The following ITPR2 variants were observed in gnomAD, a reference collection of about 807,000 sequenced individuals.
ITPR2 encodes the protein inositol 1,4,5-trisphosphate receptor type 2, also known as inositol 1,4,5-trisphosphate-gated calcium channel ITPR2.
In ITPR2, 207 loss-of-function variants were observed where a neutral mutation model predicts 317.1. The ratio of observed to expected loss-of-function variants is 0.65; its 90% CI spans 0.58 to 0.73. The LOEUF (loss-of-function observed/expected upper bound fraction) is 0.73, where lower values mean the gene tolerates loss of function less well. Ranked by LOEUF, ITPR2 falls within the 30% of genes least tolerant of loss-of-function variation. The pLI is 0.00. For missense variants in ITPR2, 2,613 were observed against 3,284.0 expected, an observed-to-expected ratio of 0.80 and a Z score of 4.99; for synonymous variants, 1,156 against 1,149.1, an observed-to-expected ratio of 1.01 and a Z score of -0.12.
chr12:26,443,354 C>A (rs1438592716), intron 46 of ITPR2, among the ~76,000 whole-genome samples, 189 bp downstream of exon 46: 1 of 152,010 alleles, frequency 6.6e-6, no homozygotes, highest in Non-Finnish European at 1.5e-5. Context: ...TAAAAAAAGA[C>A]AACTTTGAAA....
At chr12:26,556,566 TTGTG>T (rs1555155168) in intron 35 of ITPR2, among the ~76,000 whole-genome samples, 191 bp from the exon 36 acceptor site, 2 of 136,272 alleles carry the variant, frequency 1.5e-5, no homozygotes, top group African/African-American at 5.7e-5. Context: ...ATTTTTTTTT[TTGTG>T]TGTGTGTGTG....
rs1186448133 is a variant in ITPR2, at chr12:26,339,411, T to A, written c.8092A>T (p.Met2698Leu). ...GSNTPHVNHH[M>L]PPH Reference sequence around the variant, plus strand: ...CCCCCATGGTATCAGTGTGGTGGCATGTGATGATTCACATGGGGTGTGTTT... The same window carrying A: ...CCCCCATGGTATCAGTGTGGTGGCAAGTGATGATTCACATGGGGTGTGTTT... The change falls in exon 57 of 57, where the codon ATG (methionine) becomes TTG (leucine). Residue 2698 changes from methionine to leucine, a missense_variant. Met to Leu is a conservative substitution (Grantham distance 15). This residue lies in a region of ITPR2 where 119 missense variants were observed against 144.3 expected (regional missense o/e 0.82). Coordinates refer to ENST00000381340, the MANE Select transcript of ITPR2 (RefSeq NM_002223.4). 2.4e-5 allele frequency: 39 copies of A among 1,613,608 alleles called. No individual in the cohort carries two copies. The highest frequency in any genetic ancestry group is 3.2e-5 in the Non-Finnish European group (38 of 1,179,624).
At position 26,656,608 on chromosome 12, in the gene ITPR2, TA is replaced by T; in HGVS notation, c.2193-61del. The T allele has an allele frequency of 2.6e-6, 4 of 1,554,320 alleles. No individual in the cohort carries two copies. The South Asian group carries it at 4.6e-5, about 18-fold the overall frequency. ...ATCTCAAGGAAATCTTTAAACGTCA[TA>T]GTACCAATCAGTATCTATGTTTAAG... On this transcript the variant is annotated intron_variant, in intron 18 of 56. Coordinates refer to ENST00000381340, the MANE Select transcript of ITPR2 (RefSeq NM_002223.4).
At chr12:26,430,364 A>T (rs1039763905) in intron 48 of ITPR2, among the ~76,000 whole-genome samples, 31 of 152,142 alleles carry the variant, frequency 2.0e-4, no homozygotes, top group African/African-American at 7.2e-4. Context: ...CCCAGGTTCA[A>T]GTGATTCTCC....
intron 2 of ITPR2, among the ~76,000 whole-genome samples, chr12:26,753,292 G>C (rs929242605): frequency 1.3e-5 from 2 of 152,154 alleles, no homozygotes; most frequent in Admixed American, 1.3e-4. Flanking sequence ...CCTAAGAACG[G>C]ATTTGACACT....
At chr12:26,412,136 T>C (rs557034398) in intron 51 of ITPR2, among the ~76,000 whole-genome samples, 2 of 152,328 alleles carry the variant, frequency 1.3e-5, no homozygotes, top group East Asian at 3.9e-4. Flanking sequence ...GAAGTCTTCA[T>C]GATGGAGAGA....
intron 7 of ITPR2, 72 bp downstream of exon 7, chr12:26,715,680 G>C: frequency 2.0e-6 from 2 of 1,010,044 alleles, no homozygotes; most frequent in Non-Finnish European, 3.0e-6. Context: ...GAATACATAG[G>C]TTTTGCATCT....
chr12:26,753,953 G>A (rs1319945090), intron 2 of ITPR2, among the ~76,000 whole-genome samples: 2 of 152,194 alleles, frequency 1.3e-5, no homozygotes, highest in Non-Finnish European at 2.9e-5. Context: ...TAGGTTCAGG[G>A]TTTGATTCCA....
intron 35 of ITPR2, 44 bp downstream of exon 35, chr12:26,561,718 A>G (rs762561942): frequency 2.2e-6 from 3 of 1,391,082 alleles, no homozygotes; most frequent in Non-Finnish European, 2.8e-6. Context: ...TTTTTAAAAA[A>G]TATAATTTAG....
In ITPR2 at chr12:26,624,354, T is replaced by C. The variant is rs572188130; in HGVS notation, c.3067A>G (p.Ile1023Val). The C allele has an allele frequency of 2.7e-4, 434 of 1,606,468 alleles. 4 individuals carry two copies. The South Asian group carries it at 4.5e-3, about 17-fold the overall frequency. ...GSPDTLLPSA[I>V]VPDIDEIAAQ... ...GCAATTTCATCTATATCAGGAACAA[T>C]AGCTGCAAAGATAAATGGTAAAATC... The change falls in exon 24 of 57, where the codon ATT becomes GTT. Residue 1023 changes from isoleucine (I) to valine (V), a missense_variant and splice_region_variant. This residue lies in a region of ITPR2 where 817 missense variants were observed against 897.6 expected (regional missense o/e 0.91). Transcript: ENST00000381340.
intron 2 of ITPR2, among the ~76,000 whole-genome samples, chr12:26,789,851 T>C (rs1163725139): frequency 2.6e-5 from 4 of 152,346 alleles, no homozygotes; most frequent in Admixed American, 2.6e-4. Flanking sequence ...CAGAGAAGTA[T>C]ATAAATAAAT....
At chr12:26,774,649 A>C (rs777429869) in intron 2 of ITPR2, among the ~76,000 whole-genome samples, 1 of 152,206 alleles carries the variant, frequency 6.6e-6, no homozygotes, top group African/African-American at 2.4e-5. Context: ...AGGTCTTTCA[A>C]TTAAAGAAAC....
intron 13 of ITPR2, among the ~76,000 whole-genome samples, chr12:26,679,181 T>C (rs1947977347): frequency 1.3e-5 from 2 of 152,206 alleles, no homozygotes; most frequent in Admixed American, 1.3e-4. Context: ...TCATTTCCCC[T>C]AACAGGGTTG....
At chr12:26,529,714 C>T (rs989869529) in intron 37 of ITPR2, among the ~76,000 whole-genome samples, 1 of 152,182 alleles carries the variant, frequency 6.6e-6, no homozygotes, top group African/African-American at 2.4e-5. Context: ...GTAAAATGGA[C>T]ACTGGAATGT....
intron 32 of ITPR2, among the ~76,000 whole-genome samples, chr12:26,580,797 C>T (rs73290042): frequency 6.1e-4 from 93 of 152,240 alleles, no homozygotes; most frequent in African/African-American, 2.2e-3. Context: ...AAAAGAGCAT[C>T]CCTGGCTCGT....
At chr12:26,388,736 T>C (rs954877809) in intron 54 of ITPR2, among the ~76,000 whole-genome samples, 10 of 152,160 alleles carry the variant, frequency 6.6e-5, no homozygotes, top group African/African-American at 2.4e-4. Flanking sequence ...TCTGTCCCCA[T>C]TGAAGGGGTG....
intron 2 of ITPR2, among the ~76,000 whole-genome samples, chr12:26,726,673 CA>C (rs1308461666): frequency 6.6e-6 from 1 of 152,108 alleles, no homozygotes; most frequent in Non-Finnish European, 1.5e-5. Flanking sequence ...ATAACTATCA[CA>C]AAAATAAAAT....
intron 1 of ITPR2, among the ~76,000 whole-genome samples, chr12:26,796,688 A>C (rs1950450536): frequency 6.6e-6 from 1 of 152,220 alleles, no homozygotes; most frequent in Non-Finnish European, 1.5e-5. Flanking sequence ...TTATGATAGC[A>C]ACAACTGAAA....
At chr12:26,691,508 C>T (rs1341161819) in intron 10 of ITPR2, among the ~76,000 whole-genome samples, 1 of 152,114 alleles carries the variant, frequency 6.6e-6, no homozygotes, top group African/African-American at 2.4e-5. Context: ...TTAACCTGGT[C>T]TACTGAGCTC....
Sources: allele counts gnomAD v4.1 joint callset (sites outside exome capture counted in the v4.1 genomes callset), GRCh38; gene constraint gnomAD v4.1.1; regional missense constraint gnomAD v4.1.1; transcripts MANE v1.5; gene names NCBI Gene and HGNC (gene_info 2026-07-23, HGNC 2026-07-21).